Variants in FAM135B observed in about 807,000 individuals in gnomAD.
FAM135B encodes the protein protein FAM135B.
Under a neutral mutation model 127.7 loss-of-function variants are expected in FAM135B, and 43 were observed. The observed-to-expected ratio is 0.34, with a 90% CI of 0.26 to 0.43. The LOEUF is 0.43. FAM135B is among the 20% of genes least tolerant of loss of function. The pLI is 1.00. For missense variants in FAM135B, 1,558 were observed against 1,725.6 expected (o/e 0.90, Z 1.72); for synonymous variants, 670 against 665.1 (o/e 1.01, Z -0.11).
chr8:138,190,255 C>T (rs111775445), intron 9 of FAM135B, among the ~76,000 whole-genome samples: 4 of 152,320 alleles, frequency 2.6e-5, no homozygotes, highest in South Asian at 2.1e-4. Flanking sequence ...TCTAAGCCCC[C>T]AAACTTACTG....
chr8:138,452,553 C>A lies in FAM135B; in HGVS notation c.-20+44118G>T, dbSNP rs138704999. 2.3e-4 allele frequency among the ~76,000 whole-genome samples: 35 copies of A among 152,224 alleles called. No individual in the cohort carries two copies. In the East Asian group the frequency reaches 3.9e-3, roughly 17 times the overall value. On this transcript the variant is annotated intron_variant, in intron 1 of 19. Transcript: ENST00000395297. ...CGAGCTTCAGCTTCTACATAGACAT[C>A]CTTCTGTGTCTTTTCCACTACACTG...
chr8:138,383,288 T>G (rs914837051), intron 1 of FAM135B, among the ~76,000 whole-genome samples: 2 of 152,222 alleles, frequency 1.3e-5, no homozygotes, highest in African/African-American at 2.4e-5. Context: ...GAATCCCAAA[T>G]GCAATGTGTA....
intron 1 of FAM135B, chr8:138,439,360 G>C (rs1835636284): frequency 6.6e-6 from 1 of 152,136 alleles, no homozygotes; most frequent in Non-Finnish European, 1.5e-5. Flanking sequence ...GTCATCATTA[G>C]GTATGAATTC....
At chr8:138,377,849 A>T (rs572771825) in intron 1 of FAM135B, among the ~76,000 whole-genome samples, 1 of 152,290 alleles carries the variant, frequency 6.6e-6, no homozygotes, top group South Asian at 2.1e-4. Context: ...TCCCCAGGGG[A>T]TTTACTGCAT....
rs76985710 is a variant in FAM135B at position 138,477,028 on chromosome 8, G to C, written c.-20+19643C>G. Among the ~76,000 whole-genome samples, 813 of 152,278 alleles carry C rather than the reference G, an allele frequency of 5.3e-3. 5 individuals are homozygous for C. Among genetic ancestry groups the C allele is most frequent in the African/African-American group, 0.019 (782 of 41,558 alleles). ...TGTGAGAGAGAAATGGTTCCTGAAA[G>C]GCATGAGACTTTTAAGCCATGTGGA... On this transcript the variant is annotated intron_variant, in intron 1 of 19. Transcript: ENST00000395297.
At chr8:138,438,375 A>G (rs1025062066) in intron 1 of FAM135B, 1 of 152,194 alleles carries the variant, frequency 6.6e-6, no homozygotes. Context: ...ATCAAAAAAT[A>G]TAATAAAGGG....
chr8:138,160,099 C>G (rs1373970746), intron 12 of FAM135B, among the ~76,000 whole-genome samples: 1 of 152,108 alleles, frequency 6.6e-6, no homozygotes, highest in Non-Finnish European at 1.5e-5. Context: ...ATGAGTGTCT[C>G]TAGTGATGAC....
intron 2 of FAM135B, among the ~76,000 whole-genome samples, chr8:138,334,547 C>T (rs546319311): frequency 2.0e-5 from 3 of 152,254 alleles, no homozygotes; most frequent in South Asian, 2.1e-4. Flanking sequence ...CACTCCCAAC[C>T]TCTACCTTCC....
intron 2 of FAM135B, among the ~76,000 whole-genome samples, chr8:138,315,772 T>C (rs1827040662): frequency 6.6e-6 from 1 of 151,724 alleles, no homozygotes; most frequent in African/African-American, 2.4e-5. Flanking sequence ...AAAAAATACA[T>C]GATCTCACTT....
intron 19 of FAM135B, among the ~76,000 whole-genome samples, chr8:138,136,513 C>T (rs1816673412): frequency 6.6e-6 from 1 of 152,008 alleles, no homozygotes; most frequent in South Asian, 2.1e-4. Flanking sequence ...GAAACGTATG[C>T]AGGAATTTTT....
intron 10 of FAM135B, 62 bp downstream of exon 10, chr8:138,178,473 A>C: frequency 6.3e-7 from 1 of 1,584,896 alleles, no homozygotes; most frequent in Non-Finnish European, 8.6e-7. Flanking sequence ...AATTCTCATA[A>C]AGGTTCCTCC....
chr8:138,465,244 T>C (rs1164135874), intron 1 of FAM135B, among the ~76,000 whole-genome samples: 1 of 152,196 alleles, frequency 6.6e-6, no homozygotes, highest in Non-Finnish European at 1.5e-5. Flanking sequence ...CCAAAGGTCA[T>C]CTGCCAATTG....
chr8:138,269,891 A>T (rs1823241581), intron 3 of FAM135B, among the ~76,000 whole-genome samples: 1 of 152,216 alleles, frequency 6.6e-6, no homozygotes, highest in Non-Finnish European at 1.5e-5. Context: ...CTCTTCAGGT[A>T]GGGTGAATTT....
Position 138,132,154 on chromosome 8 carries a change from T to C in FAM135B, c.*439A>G, listed in dbSNP as rs1014869677. ...TTCTATTTACACAAATATGTTCCAC[T>C]GCTGCACAGAGATTAACCTGAGTTC... On this transcript the variant is annotated 3_prime_UTR_variant, in exon 20 of 20. Transcript: ENST00000395297. This position sits in a 1 kb window ranked among gnomAD's most constrained non-coding sequence, Gnocchi z 4.5. 2 of 174,222 alleles carry C rather than the reference T, an allele frequency of 1.1e-5. No individual in the cohort carries two copies. The highest frequency in any genetic ancestry group is 1.1e-4 in the Admixed American group (2 of 17,530). The allele number at this position is 174,222 out of a possible 1,614,324, so 10.8% of individuals were successfully genotyped here.
At chr8:138,180,295 G>A (rs1174185336) in intron 9 of FAM135B, among the ~76,000 whole-genome samples, 20 of 152,240 alleles carry the variant, frequency 1.3e-4, no homozygotes, top group Admixed American at 1.1e-3. Flanking sequence ...ACAAGAGAGG[G>A]TCTCTGTCCG....
At chr8:138,185,727 T>C (rs749336873) in intron 9 of FAM135B, among the ~76,000 whole-genome samples, 2 of 152,170 alleles carry the variant, frequency 1.3e-5, no homozygotes, top group Admixed American at 6.5e-5. Flanking sequence ...TCTTGTGTTA[T>C]AGAAAACCTC....
intron 1 of FAM135B, among the ~76,000 whole-genome samples, chr8:138,397,097 G>A (rs1221336738): frequency 6.6e-6 from 1 of 152,168 alleles, no homozygotes; most frequent in Non-Finnish European, 1.5e-5. Flanking sequence ...TCCCAGTCCT[G>A]AGCTGCCCAA....
At chr8:138,217,445 T>G (rs1407700406) in intron 7 of FAM135B, among the ~76,000 whole-genome samples, 1 of 150,768 alleles carries the variant, frequency 6.6e-6, no homozygotes, top group South Asian at 2.1e-4. Flanking sequence ...TTTTTTTTTT[T>G]TTTGAGATGG....
chr8:138,434,543 C>A (rs1339359057), intron 1 of FAM135B, among the ~76,000 whole-genome samples: 1 of 152,122 alleles, frequency 6.6e-6, no homozygotes, highest in Non-Finnish European at 1.5e-5. Context: ...GTGTCAGACA[C>A]CAAATTATAT....
Sources: gnomAD v4.1 joint callset for allele counts (sites outside exome capture counted in the v4.1 genomes callset) on GRCh38, gnomAD v4.1.1 for gene constraint, Gnocchi (gnomAD v3.1) non-coding constraint, MANE v1.5 for transcripts, NCBI Gene and HGNC (gene_info 2026-07-23, HGNC 2026-07-21) for gene names.